The following ELL2 variants were observed in gnomAD, a reference collection of about 807,000 sequenced individuals.
ELL2 encodes RNA polymerase II elongation factor ELL2.
ELL2 carries 21 observed loss-of-function variants against 72.8 expected under a neutral mutation model. The observed-to-expected ratio is 0.29, with a 90% CI of 0.20 to 0.42. The LOEUF (loss-of-function observed/expected upper bound fraction) is 0.42, where lower values mean the gene tolerates loss of function less well. Ranked by LOEUF, ELL2 falls within the 10% of genes least tolerant of loss-of-function variation. ELL2 has a pLI of 1.00. For missense variants in ELL2, 568 were observed against 772.8 expected, an observed-to-expected ratio of 0.73 and a Z score of 3.14; for synonymous variants, 266 against 283.2, an observed-to-expected ratio of 0.94 and a Z score of 0.61.
At position 95,886,237 on chromosome 5, in the gene ELL2, G is replaced by T. The variant is rs1188457329; in HGVS notation, c.*2634C>A. 4 of 152,326 alleles carry T rather than the reference G, an allele frequency of 2.6e-5. No individual in the cohort carries two copies. The highest frequency in any genetic ancestry group is 7.2e-5 in the African/African-American group (3 of 41,568). The allele number at this position is 152,326 out of a possible 1,614,324, so 9.4% of individuals were successfully genotyped here. ...AGTCTTGCAGTAGGGGACGAAAAAT[G>T]ATTATAAATATTTTAATAGGCTCAT... is the stretch of plus-strand genomic sequence containing the variant. On this transcript the variant is annotated 3_prime_UTR_variant, in exon 12 of 12. Coordinates refer to ENST00000237853, the MANE Select transcript of ELL2 (RefSeq NM_012081.6).
At chr5:95,895,533 A>G in intron 9 of ELL2, 95 bp downstream of exon 9, 1 of 1,190,126 alleles carries the variant, frequency 8.4e-7, no homozygotes, top group Non-Finnish European at 1.2e-6. Flanking sequence ...TATTTCTGGA[A>G]CTTCTTACTT....
intron 2 of ELL2, among the ~76,000 whole-genome samples, chr5:95,934,656 T>C (rs1750711848): frequency 6.6e-6 from 1 of 152,200 alleles, no homozygotes; most frequent in Admixed American, 6.5e-5. Context: ...AAAGCAACTC[T>C]ATCAAGTAGT....
rs189439192 is a variant in ELL2, at chr5:95,945,285, C to T, written c.148-2236G>A. 6.1e-3 allele frequency among the ~76,000 whole-genome samples: 928 copies of T among 152,296 alleles called. 5 individuals carry two copies. The highest frequency in any genetic ancestry group is 8.7e-3 in the Non-Finnish European group (595 of 68,030). ...TTTTATCCTCTTGGTTATCCAGGCT[C>T]GCCACCTTAAAATTAACTTACAGTC... On this transcript the variant is annotated intron_variant, in intron 1 of 11. Transcript: ENST00000237853.
At chr5:95,910,569 T>C (rs1231005249) in intron 4 of ELL2, among the ~76,000 whole-genome samples, 8 of 152,024 alleles carry the variant, frequency 5.3e-5, no homozygotes, top group East Asian at 3.9e-4. Context: ...TCTAGGCAAA[T>C]AGATTTTGGT....
At chr5:95,919,322 T>A in intron 3 of ELL2, 102 bp downstream of exon 3, 1 of 1,375,082 alleles carries the variant, frequency 7.3e-7, no homozygotes, top group Non-Finnish European at 9.8e-7. Context: ...TTCAATTTAA[T>A]ACACGTTTAT....
chr5:95,888,673 G>C lies in ELL2; in HGVS notation c.*198C>G. On this transcript the variant is annotated 3_prime_UTR_variant, in exon 12 of 12. Transcript: ENST00000237853. The stretch of plus-strand genomic sequence containing the variant: ...AACAAACACAAGTCTTGGGGGTGGG[G>C]TGGTGGGGAGGACCAGAAAGAGCAG... 1 of 406,504 alleles carries C rather than the reference G, an allele frequency of 2.5e-6. No homozygotes were observed. The highest frequency in any genetic ancestry group is 4.3e-6 in the Non-Finnish European group (1 of 232,066). The allele number at this position is 406,504 out of a possible 1,614,324, so 25.2% of individuals were successfully genotyped here. A position where few individuals can be genotyped will look rare whatever the true frequency, so the allele number is the denominator to read the frequency against.
chr5:95,889,545 G>C (rs147353587), intron 10 of ELL2, among the ~76,000 whole-genome samples: 100 of 152,248 alleles, frequency 6.6e-4, no homozygotes, highest in Middle Eastern at 6.8e-3. Context: ...GCAAAGTGCT[G>C]AACAATATGG....
chr5:95,943,610 C>A (rs1349745881), intron 1 of ELL2, among the ~76,000 whole-genome samples: 2 of 152,096 alleles, frequency 1.3e-5, no homozygotes, highest in African/African-American at 4.8e-5. Context: ...CTTTGCAATA[C>A]TGTAACAGGA....
At position 95,906,624 on chromosome 5, in the gene ELL2, G is replaced by A; in HGVS notation, c.640C>T (p.Leu214=). Residue 214 remains leucine (L), a synonymous_variant, in exon 5 of 12, where the codon CTG becomes TTG. Transcript: ENST00000237853. ...GGTTTCTTGTAGGCCTTCAGGGCCA[G>A]TAAGTGAATCACCCTGTCCCTGTAT... The part of the protein sequence containing the change: ...RPYRDRVIHL[L]ALKAYKKPEL... 6.2e-7 allele frequency: 1 copy of A among 1,614,128 alleles called. No homozygotes were observed. Among genetic ancestry groups the A allele is most frequent in the Non-Finnish European group, 8.5e-7 (1 of 1,179,980 alleles).
intron 2 of ELL2, among the ~76,000 whole-genome samples, chr5:95,925,975 G>C (rs954665785): frequency 6.6e-6 from 1 of 152,124 alleles, no homozygotes; most frequent in African/African-American, 2.4e-5. Flanking sequence ...TCTTGATTCT[G>C]TGACTTCCTT....
intron 2 of ELL2, among the ~76,000 whole-genome samples, chr5:95,927,776 T>TATGTGTGTATATAGACATACACACAC (rs1561505435): frequency 3.3e-5 from 2 of 60,204 alleles, no homozygotes; most frequent in Non-Finnish European, 6.0e-5. Flanking sequence ...CACACACACA[T>TATGTGTGTATATAGACATACACACAC]ATGTGTGTAT....
chr5:95,920,300 T>TTTAG (rs1468793967), intron 2 of ELL2, among the ~76,000 whole-genome samples: 181 of 147,946 alleles, frequency 1.2e-3, no homozygotes, highest in African/African-American at 4.2e-3. Context: ...TATTTATTTA[T>TTTAG]TTATTTATTT....
intron 9 of ELL2, 24 bp from the exon 10 acceptor site, chr5:95,891,298 A>G: frequency 6.3e-7 from 1 of 1,588,856 alleles, no homozygotes. Context: ...AGATAAATGG[A>G]GAGTAGCTAC....
At chr5:95,936,976 C>T (rs559486589) in intron 2 of ELL2, among the ~76,000 whole-genome samples, 4 of 152,302 alleles carry the variant, frequency 2.6e-5, no homozygotes, top group East Asian at 1.9e-4. Flanking sequence ...CAGTGTCTAC[C>T]TGTCTATCAT....
intron 2 of ELL2, among the ~76,000 whole-genome samples, chr5:95,929,731 C>A (rs1330589735): frequency 6.6e-6 from 1 of 151,082 alleles, no homozygotes; most frequent in African/African-American, 2.4e-5. Flanking sequence ...CTGTTGAGAA[C>A]CAGGGTTCCC....
chr5:95,919,034 G>A (rs960216442), intron 3 of ELL2, among the ~76,000 whole-genome samples: 3 of 151,814 alleles, frequency 2.0e-5, no homozygotes, highest in Non-Finnish European at 4.4e-5. Flanking sequence ...CATGCAAGAT[G>A]GATATTTTTA....
Position 95,959,123 on chromosome 5 carries a change from A to C in ELL2, c.147+2452T>G, listed in dbSNP as rs139964619. On this transcript the variant is annotated intron_variant, in intron 1 of 11. Coordinates refer to ENST00000237853, the MANE Select transcript of ELL2 (RefSeq NM_012081.6). ...CTTCTGGGGCCTCCAGTGGTCATGC[A>C]GATCATGACCAATTACTGTCACTTC... Among the ~76,000 whole-genome samples the C allele has an allele frequency of 7.2e-5, 11 of 152,332 alleles. No homozygotes were observed. The East Asian group carries it at 1.7e-3, about 24-fold the overall frequency.
rs1198620016 is a variant in ELL2 at position 95,886,265 on chromosome 5, C to T, written c.*2606G>A. The T allele has an allele frequency of 6.6e-6, 1 of 152,142 alleles. No individual in the cohort carries two copies. The highest frequency in any genetic ancestry group is 1.5e-5 in the Non-Finnish European group (1 of 68,030). 9.4% of individuals were successfully genotyped at this position (152,142 alleles called of 1,614,324 possible). ...TATAAATATTTTAATAGGCTCATGC[C>T]TCATCTTCAAAAGGGATGAAACTTG... On this transcript the variant is annotated 3_prime_UTR_variant, in exon 12 of 12. Transcript: ENST00000237853.
chr5:95,932,633 G>A (rs1750638195), intron 2 of ELL2: 1 of 152,018 alleles, frequency 6.6e-6, no homozygotes, highest in African/African-American at 2.4e-5. Flanking sequence ...ATAACTCACA[G>A]CATTGCTCCA....
Sources: gnomAD v4.1 joint callset for allele counts (sites outside exome capture counted in the v4.1 genomes callset) on GRCh38, gnomAD v4.1.1 for gene constraint, MANE v1.5 for transcripts, NCBI Gene and HGNC (gene_info 2026-07-23, HGNC 2026-07-21) for gene names.